PPP1R14C: variants seen among roughly 807,000 people sequenced by gnomAD.
The protein encoded by PPP1R14C is protein phosphatase 1 regulatory subunit 14C.
Under a neutral mutation model 20.4 loss-of-function variants are expected in PPP1R14C, and 16 were observed. The observed-to-expected ratio is 0.78, with a 90% CI of 0.53 to 1.19. PPP1R14C has a LOEUF of 1.19. PPP1R14C is among the 50% of genes most tolerant of loss of function. The probability of loss-of-function intolerance (pLI) is 0.00; values close to 1 mark genes in which losing one functional copy is unlikely to be tolerated. For missense variants in PPP1R14C, 211 were observed against 220.1 expected, an observed-to-expected ratio of 0.96 and a Z score of 0.26; for synonymous variants, 91 against 91.0, an observed-to-expected ratio of 1.00 and a Z score of 0.00.
intron 1 of PPP1R14C, among the ~76,000 whole-genome samples, chr6:150,197,839 GGAT>G (rs1777825673): frequency 8.7e-5 from 12 of 138,070 alleles, no homozygotes; most frequent in Non-Finnish European, 1.4e-4. Flanking sequence ...AGGAGGGCCT[GGAT>G]GCCCGGCTTT....
rs79845815 is a variant in PPP1R14C, at chr6:150,162,755, C to T, written c.306+19257C>T. Among the ~76,000 whole-genome samples the T allele has an allele frequency of 4.9e-4, 75 of 152,230 alleles. 2 individuals are homozygous for T. The South Asian group carries it at 8.3e-3, about 17-fold the overall frequency. On this transcript the variant is annotated intron_variant, in intron 1 of 3. Transcript: ENST00000361131. ...GACACAGGTGCTTAGGATACAACAGCGAAAGAGTCCCTGTGCTCTTAAAAA... is the reference window on the plus strand; with the variant it reads ...GACACAGGTGCTTAGGATACAACAGTGAAAGAGTCCCTGTGCTCTTAAAAA...
chr6:150,156,043 A>G (rs1010694211), intron 1 of PPP1R14C, among the ~76,000 whole-genome samples: 9 of 150,508 alleles, frequency 6.0e-5, no homozygotes, highest in African/African-American at 1.9e-4. Flanking sequence ...AAAAAAAAAA[A>G]AAAAAAAAAG....
In PPP1R14C at chr6:150,154,401, G is replaced by C. The variant is rs1422152500; in HGVS notation, c.306+10903G>C. On this transcript the variant is annotated intron_variant, in intron 1 of 3. Transcript: ENST00000361131. ...TGCCTGTGAGCTCCGTCCTAGTCGG[G>C]CCACCGCTGACCAGCTAGATGAGCT... Among the ~76,000 whole-genome samples the C allele has an allele frequency of 3.9e-5, 6 of 152,178 alleles. No individual in the cohort carries two copies. In the East Asian group the frequency reaches 1.2e-3, roughly 29 times the overall value.
intron 1 of PPP1R14C, among the ~76,000 whole-genome samples, chr6:150,204,424 C>G (rs2281435): frequency 6.6e-6 from 1 of 152,066 alleles, no homozygotes; most frequent in African/African-American, 2.4e-5. Context: ...TTGAACAAAT[C>G]GGTAATGTGA....
chr6:150,183,812 G>T lies in PPP1R14C; in HGVS notation c.307-30932G>T, dbSNP rs138975132. On this transcript the variant is annotated intron_variant, in intron 1 of 3. Coordinates refer to ENST00000361131, the MANE Select transcript of PPP1R14C (RefSeq NM_030949.3). ...TGAGCCACCGTGCCCGGCCCAAACT[G>T]GGACATTTCTTAAGATGAGCAAGTG... 1.7e-3 allele frequency among the ~76,000 whole-genome samples: 264 copies of T among 152,338 alleles called. 1 individual carries two copies. The highest frequency in any genetic ancestry group is 6.1e-3 in the African/African-American group (255 of 41,586).
chr6:150,162,989 C>A (rs1777387033), intron 1 of PPP1R14C, among the ~76,000 whole-genome samples: 1 of 152,128 alleles, frequency 6.6e-6, no homozygotes. Context: ...ACATACTGGG[C>A]TCAGTTAATG....
chr6:150,184,889 G>A (rs557331565), intron 1 of PPP1R14C, among the ~76,000 whole-genome samples: 6 of 152,338 alleles, frequency 3.9e-5, no homozygotes, highest in African/African-American at 1.2e-4. Context: ...ATGGGTAGCC[G>A]TATAGCCTGG....
intron 1 of PPP1R14C, among the ~76,000 whole-genome samples, chr6:150,204,686 C>G (rs771672880): frequency 6.6e-6 from 1 of 152,160 alleles, no homozygotes; most frequent in Admixed American, 6.5e-5. Flanking sequence ...TTAGGGGATG[C>G]GTTACCCTGC....
intron 3 of PPP1R14C, among the ~76,000 whole-genome samples, chr6:150,217,694 A>G (rs553835657): frequency 6.6e-6 from 1 of 152,244 alleles, no homozygotes; most frequent in South Asian, 2.1e-4. Context: ...GTAGAAATTA[A>G]GGTTTTAATC....
chr6:150,168,150 C>T (rs1384118710), intron 1 of PPP1R14C, among the ~76,000 whole-genome samples: 3 of 79,116 alleles, frequency 3.8e-5, no homozygotes, highest in Non-Finnish European at 5.0e-5. Context: ...TACAGCGTCC[C>T]TTTTTTTTTT....
Position 150,189,685 on chromosome 6 carries a change from G to A in PPP1R14C, c.307-25059G>A, listed in dbSNP as rs116240016. On this transcript the variant is annotated intron_variant, in intron 1 of 3. Transcript: ENST00000361131. The stretch of plus-strand genomic sequence containing the variant: ...TATTGATTGCTTTTGCTTTTCTTTC[G>A]GTAGAGAACATTTCTGACTTTATAT... Among the ~76,000 whole-genome samples the A allele has an allele frequency of 3.4e-3, 523 of 151,954 alleles. 3 individuals are homozygous for A. Among genetic ancestry groups the A allele is most frequent in the African/African-American group, 0.012 (485 of 41,388 alleles).
At chr6:150,174,364 T>C (rs1420401366) in intron 1 of PPP1R14C, among the ~76,000 whole-genome samples, 20 of 152,012 alleles carry the variant, frequency 1.3e-4, no homozygotes, top group African/African-American at 2.6e-4. Context: ...GGACTACCGG[T>C]GCCCCCCACC....
At chr6:150,162,024 C>G (rs1439289874) in intron 1 of PPP1R14C, among the ~76,000 whole-genome samples, 1 of 151,582 alleles carries the variant, frequency 6.6e-6, no homozygotes, top group Admixed American at 6.6e-5. Flanking sequence ...TGTGCTTTAT[C>G]CATTTACCCC....
At chr6:150,245,116 C>T (rs1056192334) in intron 3 of PPP1R14C, among the ~76,000 whole-genome samples, 1 of 152,132 alleles carries the variant, frequency 6.6e-6, no homozygotes, top group Non-Finnish European at 1.5e-5. Context: ...CTTTCCTGTT[C>T]CCCCTCCCCG....
chr6:150,165,144 TG>T (rs1396080672), intron 1 of PPP1R14C, among the ~76,000 whole-genome samples: 1 of 152,228 alleles, frequency 6.6e-6, no homozygotes, highest in African/African-American at 2.4e-5. Context: ...AGACCTTGTA[TG>T]TTTGGCTCTA....
chr6:150,161,685 A>G (rs1423065485), intron 1 of PPP1R14C, among the ~76,000 whole-genome samples: 1 of 152,218 alleles, frequency 6.6e-6, no homozygotes, highest in Non-Finnish European at 1.5e-5. Context: ...AACTTTATCA[A>G]CTAGAAGATG....
chr6:150,196,208 A>G (rs1777802809), intron 1 of PPP1R14C: 17 of 826,238 alleles, frequency 2.1e-5, no homozygotes, highest in South Asian at 5.5e-5. Context: ...GCAAAGATTT[A>G]TGGTCATTGA....
chr6:150,239,751 T>C (rs1334685283), intron 3 of PPP1R14C, among the ~76,000 whole-genome samples: 2 of 151,960 alleles, frequency 1.3e-5, no homozygotes, highest in African/African-American at 4.8e-5. Flanking sequence ...ATCAGTGAAA[T>C]AGAAAACAGA....
chr6:150,149,199 A>G (rs1777213859), intron 1 of PPP1R14C, among the ~76,000 whole-genome samples: 1 of 152,184 alleles, frequency 6.6e-6, no homozygotes, highest in African/African-American at 2.4e-5. Flanking sequence ...TGTGCTTTGA[A>G]GTGCGATGAA....
Sources: gnomAD v4.1 joint callset for allele counts (sites outside exome capture counted in the v4.1 genomes callset) on GRCh38, gnomAD v4.1.1 for gene constraint, MANE v1.5 for transcripts, NCBI Gene and HGNC (gene_info 2026-07-23, HGNC 2026-07-21) for gene names.